Variants in NIPBL observed in about 807,000 individuals in gnomAD.
The protein encoded by NIPBL is nipped-B-like protein.
A neutral mutation model predicts 321.8 loss-of-function variants in NIPBL; 19 were observed. The observed-to-expected ratio is 0.06, with a 90% CI of 0.04 to 0.09. The LOEUF is 0.09. NIPBL is among the 10% of genes least tolerant of loss of function. The pLI is 1.00. For missense variants in NIPBL, 2,210 were observed against 3,327.0 expected, an observed-to-expected ratio of 0.66 and a Z score of 8.26; for synonymous variants, 1,106 against 1,114.1, an observed-to-expected ratio of 0.99 and a Z score of 0.14.
At chr5:36,929,153 A>G (rs187337973) in intron 1 of NIPBL, among the ~76,000 whole-genome samples, 45 of 152,252 alleles carry the variant, frequency 3.0e-4, no homozygotes, top group African/African-American at 9.9e-4. Context: ...CTACATCTTC[A>G]CCAACAGTTA....
intron 1 of NIPBL, among the ~76,000 whole-genome samples, chr5:36,927,709 A>C (rs968391563): frequency 2.6e-5 from 4 of 152,210 alleles, no homozygotes; most frequent in Non-Finnish European, 4.4e-5. Context: ...TTTGGAAGTA[A>C]GTTTGAGATG....
intron 21 of NIPBL, among the ~76,000 whole-genome samples, chr5:37,013,480 C>A (rs1373784745): frequency 6.6e-6 from 1 of 151,796 alleles, no homozygotes; most frequent in Non-Finnish European, 1.5e-5. Flanking sequence ...AGGGGCTCCT[C>A]ACTTCTCAGA....
At position 37,038,883 on chromosome 5, in the gene NIPBL, C is replaced by G. The variant is rs186232985; in HGVS notation, c.6108+145C>G. The G allele has an allele frequency of 1.5e-4, 134 of 893,234 alleles. 1 individual carries two copies. In the African/African-American group the frequency reaches 2.2e-3, roughly 15 times the overall value. The allele number at this position is 893,234 out of a possible 1,614,324, so 55.3% of individuals were successfully genotyped here. A position where few individuals can be genotyped will look rare whatever the true frequency, so the allele number is the denominator to read the frequency against. On this transcript the variant is annotated intron_variant, in intron 34 of 46. Transcript: ENST00000282516. ...ATATGTACTATTTGTAGCAAGTGATCTATAAACATCAAGTCTGACATAAAT... is the reference window on the plus strand; with the variant it reads ...ATATGTACTATTTGTAGCAAGTGATGTATAAACATCAAGTCTGACATAAAT...
chr5:36,893,834 A>ATAC (rs1280158810), intron 1 of NIPBL, among the ~76,000 whole-genome samples: 12 of 152,316 alleles, frequency 7.9e-5, no homozygotes, highest in African/African-American at 2.9e-4. Context: ...GAGTTGCTGG[A>ATAC]TACTAGCGAG....
At chr5:36,980,784 G>A (rs1299253469) in intron 9 of NIPBL, among the ~76,000 whole-genome samples, 7 of 151,586 alleles carry the variant, frequency 4.6e-5, no homozygotes, top group Non-Finnish European at 1.0e-4. Flanking sequence ...ATACATGACC[G>A]CATTTGAAAA....
At chr5:36,964,444 T>C (rs1389064554) in intron 6 of NIPBL, among the ~76,000 whole-genome samples, 1 of 152,010 alleles carries the variant, frequency 6.6e-6, no homozygotes, top group Non-Finnish European at 1.5e-5. Flanking sequence ...AATACAGATA[T>C]TTACAGGCAA....
At chr5:36,892,461 T>C (rs1746409897) in intron 1 of NIPBL, among the ~76,000 whole-genome samples, 1 of 152,178 alleles carries the variant, frequency 6.6e-6, no homozygotes, top group South Asian at 2.1e-4. Flanking sequence ...GGATTATAAA[T>C]CATGCTGCTA....
At chr5:36,971,102 C>A in intron 7 of NIPBL, 66 bp downstream of exon 7, 1 of 1,382,674 alleles carries the variant, frequency 7.2e-7, no homozygotes, top group Non-Finnish European at 1.0e-6. Context: ...CCTAGTATTT[C>A]CATTTCAAAA....
chr5:36,901,544 T>A (rs1420493356), intron 1 of NIPBL, among the ~76,000 whole-genome samples: 2 of 147,198 alleles, frequency 1.4e-5, no homozygotes, highest in African/African-American at 5.1e-5. Flanking sequence ...AGATTTGCTC[T>A]TGTTGCCCAA....
chr5:36,991,599 A>G (rs569558873), intron 10 of NIPBL, among the ~76,000 whole-genome samples: 1 of 152,184 alleles, frequency 6.6e-6, no homozygotes, highest in East Asian at 1.9e-4. Context: ...AATGAGTAGT[A>G]AATTGTCATT....
Position 37,059,076 on chromosome 5 carries a change from T to C in NIPBL, c.7596T>C (p.Pro2532=). 6.2e-7 allele frequency: 1 copy of C among 1,614,188 alleles called. No individual in the cohort carries two copies. The highest frequency in any genetic ancestry group is 1.1e-5 in the South Asian group (1 of 91,090). Residue 2532 remains proline, a synonymous_variant, in exon 44 of 47, where the codon CCT becomes CCC. Transcript: ENST00000282516. Reference sequence around the variant, plus strand: ...AATGTTTGCCAGAAAATTCAGCTCCTTTAATCGAATTTGCAAATGTGTCCC... The same window carrying C: ...AATGTTTGCCAGAAAATTCAGCTCCCTTAATCGAATTTGCAAATGTGTCCC... ...VMKCLPENSA[P]LIEFANVSQG...
At chr5:37,022,986 A>G (rs543205177) in intron 29 of NIPBL, among the ~76,000 whole-genome samples, 4 of 152,374 alleles carry the variant, frequency 2.6e-5, no homozygotes, top group South Asian at 4.1e-4. Flanking sequence ...GCATTAGGAA[A>G]TATCTGTGGA....
Position 36,985,235 on chromosome 5 carries a change from C to G in NIPBL, c.2055C>G (p.Asp685Glu). 1 of 1,613,638 alleles carries G rather than the reference C, an allele frequency of 6.2e-7. No homozygotes were observed. ...ENRLSDTKPN[D>E]NKQNNGRSET... ...GACTGTCTGACACAAAACCAAATGA[C>G]AACAAACAAAATAATGGCAGATCAG... The change falls in exon 10 of 47, where the codon GAC (aspartate) becomes GAG (glutamate). Residue 685 changes from aspartate (D) to glutamate (E), a missense_variant. Asp to Glu is a conservative substitution (Grantham distance 45, BLOSUM62 2). Transcript: ENST00000282516.
intron 1 of NIPBL, among the ~76,000 whole-genome samples, chr5:36,953,096 G>A (rs11747287): frequency 0.022 from 3,376 of 152,232 alleles, 51 homozygotes; most frequent in Non-Finnish European, 0.038. Context: ...AATACACAAG[G>A]GAGATTTGGG....
intron 1 of NIPBL, among the ~76,000 whole-genome samples, chr5:36,891,360 TATCTAAGTGCTATG>T: frequency 6.6e-6 from 1 of 152,332 alleles, no homozygotes; most frequent in South Asian, 2.1e-4. Context: ...TATGTTACAA[TATCTAAGTGCTATG>T]ATCAAGATAA....
intron 42 of NIPBL, among the ~76,000 whole-genome samples, chr5:37,056,550 A>G (rs1754110189): frequency 1.3e-5 from 2 of 152,208 alleles, no homozygotes; most frequent in Non-Finnish European, 2.9e-5. Context: ...TGTGAAACTG[A>G]TAGCATTGTC....
In NIPBL at chr5:37,065,894, A is replaced by G. The variant is rs1755312196; in HGVS notation, c.*1002A>G. On this transcript the variant is annotated 3_prime_UTR_variant, in exon 47 of 47. Transcript: ENST00000282516. ...TATTCTTTAAACCTCGGGTAAAGGT[A>G]ACCTGTTATTTGGAAAACCAGCATT... 1 of 152,576 alleles carries G rather than the reference A, an allele frequency of 6.6e-6. No individual in the cohort carries two copies. Among genetic ancestry groups the G allele is most frequent in the Admixed American group, 6.5e-5 (1 of 15,280 alleles). The allele number at this position is 152,576 out of a possible 1,614,324, so 9.5% of individuals were successfully genotyped here. A position where few individuals can be genotyped will look rare whatever the true frequency, so the allele number is the denominator to read the frequency against.
chr5:37,006,262 CTT>C (rs1747417437), intron 16 of NIPBL, 93 bp from the exon 17 acceptor site: 1 of 758,588 alleles, frequency 1.3e-6, no homozygotes, highest in African/African-American at 1.7e-5. Flanking sequence ...CATCATAACA[CTT>C]TTCCACCAGT....
chr5:36,921,566 A>G (rs916444617), intron 1 of NIPBL, among the ~76,000 whole-genome samples: 1 of 152,194 alleles, frequency 6.6e-6, no homozygotes, highest in Admixed American at 6.5e-5. Context: ...ATTTGTCGAG[A>G]TAAGTTCATA....
Sources: gnomAD v4.1 joint callset for allele counts (sites outside exome capture counted in the v4.1 genomes callset) on GRCh38, gnomAD v4.1.1 for gene constraint, MANE v1.5 for transcripts, NCBI Gene and HGNC (gene_info 2026-07-23, HGNC 2026-07-21) for gene names.